Variants in DLG2 observed in about 807,000 individuals in gnomAD.
The protein encoded by DLG2 is discs large MAGUK scaffold protein 2.
DLG2 carries 45 observed loss-of-function variants against 132.5 expected under a neutral mutation model. The observed-to-expected ratio is 0.34, with a 90% CI of 0.27 to 0.44. The LOEUF (loss-of-function observed/expected upper bound fraction) is 0.44, where lower values mean the gene tolerates loss of function less well. Ranked by LOEUF, DLG2 falls within the 20% of genes least tolerant of loss-of-function variation. The pLI, the probability that DLG2 is intolerant of heterozygous loss-of-function variation, is 1.00. For synonymous variants in DLG2, 424 were observed against 419.6 expected (o/e 1.01, Z -0.13); for missense variants, 1,045 against 1,196.9 (o/e 0.87, Z 1.87).
At chr11:83,828,026 T>G (rs1020750766) in intron 17 of DLG2, among the ~76,000 whole-genome samples, 3 of 152,206 alleles carry the variant, frequency 2.0e-5, no homozygotes, top group Non-Finnish European at 4.4e-5. Context: ...ATCTTAAATA[T>G]TTAATTTTGG....
chr11:84,563,827 CT>C (rs1449384515), intron 6 of DLG2, among the ~76,000 whole-genome samples: 2 of 152,136 alleles, frequency 1.3e-5, no homozygotes, highest in Non-Finnish European at 2.9e-5. Flanking sequence ...ATGTGACCTC[CT>C]CTGGTAGACA....
intron 19 of DLG2, among the ~76,000 whole-genome samples, chr11:83,575,005 C>T (rs1229107072): frequency 6.6e-6 from 1 of 152,166 alleles, no homozygotes; most frequent in Non-Finnish European, 1.5e-5. Context: ...TATTCTAAGA[C>T]TTGCCTAAGT....
At chr11:84,634,741 C>T (rs1482607952) in intron 6 of DLG2, among the ~76,000 whole-genome samples, 2 of 152,192 alleles carry the variant, frequency 1.3e-5, no homozygotes, top group Non-Finnish European at 2.9e-5. Flanking sequence ...ATAAATGTCA[C>T]TCTCCTTCCC....
Position 84,082,822 on chromosome 11 carries a change from C to T in DLG2, c.749+16101G>A, listed in dbSNP as rs188640171. ...AAAAAATTTAATGAATGGTAGCTAT[C>T]ATTAGTTCTAAGTGTCTGCTGTGGG... On this transcript the variant is annotated intron_variant, in intron 10 of 27. Coordinates refer to ENST00000376104, the MANE Select transcript of DLG2 (RefSeq NM_001142699.3). Among the ~76,000 whole-genome samples, 9 of 152,208 alleles carry T rather than the reference C, an allele frequency of 5.9e-5. No individual in the cohort carries two copies. The East Asian group carries it at 1.7e-3, about 29-fold the overall frequency.
chr11:85,237,217 T>C (rs2075633115), intron 4 of DLG2, among the ~76,000 whole-genome samples: 1 of 152,022 alleles, frequency 6.6e-6, no homozygotes, highest in Admixed American at 6.6e-5. Context: ...TTTTCATAAA[T>C]TTACAGGGAA....
intron 10 of DLG2, among the ~76,000 whole-genome samples, chr11:84,076,934 C>T (rs186368280): frequency 1.3e-5 from 2 of 152,180 alleles, no homozygotes; most frequent in African/African-American, 2.4e-5. Context: ...GCAAACCCAC[C>T]GTCTCCTTTC....
intron 19 of DLG2, among the ~76,000 whole-genome samples, chr11:83,625,294 A>G (rs2062322125): frequency 1.3e-5 from 2 of 152,188 alleles, no homozygotes; most frequent in African/African-American, 4.8e-5. Context: ...TGTTCTCAAG[A>G]AATCCATCGC....
chr11:85,148,191 G>A (rs2152445584), intron 5 of DLG2, among the ~76,000 whole-genome samples: 1 of 152,254 alleles, frequency 6.6e-6, no homozygotes, highest in Admixed American at 6.5e-5. Context: ...CTTTGCTATT[G>A]TGAATAGTGC....
At chr11:84,733,211 GAC>G (rs1189856227) in intron 6 of DLG2, among the ~76,000 whole-genome samples, 2 of 152,140 alleles carry the variant, frequency 1.3e-5, no homozygotes, top group African/African-American at 4.8e-5. Flanking sequence ...CTGAGGAATC[GAC>G]ACACTGACTT....
chr11:83,634,642 T>C (rs1268646914), intron 18 of DLG2, among the ~76,000 whole-genome samples: 1 of 152,150 alleles, frequency 6.6e-6, no homozygotes, highest in East Asian at 1.9e-4. Flanking sequence ...ATGTATACAA[T>C]AAAAGATGAT....
At chr11:84,714,647 TTCTCTC>T (rs754541162) in intron 6 of DLG2, among the ~76,000 whole-genome samples, 9 of 90,634 alleles carry the variant, frequency 9.9e-5, no homozygotes, top group African/African-American at 2.4e-4. Flanking sequence ...CTCTCTCTCT[TTCTCTC>T]TCTCTCTCTC....
chr11:84,364,024 A>C (rs181822121), intron 7 of DLG2, among the ~76,000 whole-genome samples: 7 of 151,816 alleles, frequency 4.6e-5, no homozygotes, highest in African/African-American at 1.5e-4. Context: ...AACTTTAAAG[A>C]AGTTTTTTCC....
rs937086060 is a variant in DLG2, at chr11:85,597,166, G to A, written c.40+1491C>T. 5.9e-5 allele frequency among the ~76,000 whole-genome samples: 9 copies of A among 152,226 alleles called. No individual in the cohort carries two copies. The East Asian group carries it at 1.5e-3, about 26-fold the overall frequency. ...TTGTCTTTGTATTCCCTGGGTAATG[G>A]TGTTACATTATCAAATGATTATATT... On this transcript the variant is annotated intron_variant, in intron 3 of 27. Transcript: ENST00000376104.
intron 11 of DLG2, among the ~76,000 whole-genome samples, chr11:84,022,716 G>A (rs1009604744): frequency 6.6e-6 from 1 of 152,124 alleles, no homozygotes; most frequent in African/African-American, 2.4e-5. Flanking sequence ...AAAAATGGAG[G>A]AAGAAACATC....
At chr11:83,970,931 T>G (rs997123515) in intron 12 of DLG2, among the ~76,000 whole-genome samples, 2 of 152,150 alleles carry the variant, frequency 1.3e-5, no homozygotes, top group African/African-American at 4.8e-5. Flanking sequence ...GACCAAAAAG[T>G]GCTCTTTTGT....
At chr11:83,717,217 C>T (rs559726154) in intron 18 of DLG2, among the ~76,000 whole-genome samples, 1 of 152,184 alleles carries the variant, frequency 6.6e-6, no homozygotes, top group South Asian at 2.1e-4. Flanking sequence ...ACACTGAGCT[C>T]CCTAAAAAAC....
chr11:84,049,551 C>T (rs952549080), intron 11 of DLG2, among the ~76,000 whole-genome samples: 2 of 151,756 alleles, frequency 1.3e-5, no homozygotes, highest in Non-Finnish European at 2.9e-5. Context: ...CTCATCTCTG[C>T]CCCAATTCTT....
intron 3 of DLG2, among the ~76,000 whole-genome samples, chr11:85,402,507 A>C (rs1488290713): frequency 1.3e-5 from 2 of 152,170 alleles, no homozygotes; most frequent in South Asian, 2.1e-4. Context: ...TAATTAAACT[A>C]AAGAGCTTCT....
At chr11:83,486,198 A>G (rs1300599754) in intron 21 of DLG2, 6 of 684,170 alleles carry the variant, frequency 8.8e-6, no homozygotes, top group Admixed American at 2.2e-5. Context: ...ATATTCTTGC[A>G]TCACTCCAGT....
Sources: allele counts gnomAD v4.1 joint callset (sites outside exome capture counted in the v4.1 genomes callset), GRCh38; gene constraint gnomAD v4.1.1; transcripts MANE v1.5; gene names NCBI Gene and HGNC (gene_info 2026-07-23, HGNC 2026-07-21).